The following MTREX variants were observed in gnomAD, a reference collection of about 807,000 sequenced individuals.
MTREX encodes Mtr4 exosome RNA helicase.
A neutral mutation model predicts 135.4 loss-of-function variants in MTREX; 76 were observed. That is an observed-to-expected ratio of 0.56 (90% CI 0.47 to 0.68). MTREX has a LOEUF of 0.68. MTREX is among the 30% of genes least tolerant of loss of function. The pLI is 0.00. For missense variants in MTREX, 920 were observed against 1,262.1 expected, an observed-to-expected ratio of 0.73 and a Z score of 4.11; for synonymous variants, 404 against 401.6, an observed-to-expected ratio of 1.01 and a Z score of -0.07.
chr5:55,412,498 TAAAG>T (rs1219007388), intron 23 of MTREX, among the ~76,000 whole-genome samples: 2 of 152,178 alleles, frequency 1.3e-5, no homozygotes, highest in African/African-American at 2.4e-5. Flanking sequence ...TGGATGAAGA[TAAAG>T]AAATACAGTA....
chr5:55,410,809 TAGAA>T (rs1314101664), intron 23 of MTREX, among the ~76,000 whole-genome samples, 180 bp downstream of exon 23: 1 of 152,206 alleles, frequency 6.6e-6, no homozygotes, highest in Non-Finnish European at 1.5e-5. Flanking sequence ...TACGTATTAT[TAGAA>T]AGGAGAATAA....
At chr5:55,402,377 AG>A (rs1750735255) in intron 21 of MTREX, among the ~76,000 whole-genome samples, 1 of 152,202 alleles carries the variant, frequency 6.6e-6, no homozygotes, top group Non-Finnish European at 1.5e-5. Flanking sequence ...CCCTGCTGTC[AG>A]TCCCTCCATG....
chr5:55,409,521 T>C (rs538367549), intron 22 of MTREX, among the ~76,000 whole-genome samples: 11 of 152,306 alleles, frequency 7.2e-5, no homozygotes, highest in African/African-American at 2.6e-4. Flanking sequence ...TTCTAATCTT[T>C]GTAATAATAA....
Position 55,405,409 on chromosome 5 carries a change from C to A in MTREX, c.2482-16C>A. 6.3e-7 allele frequency: 1 copy of A among 1,598,290 alleles called. No homozygotes were observed. On this transcript the variant is annotated splice_polypyrimidine_tract_variant and intron_variant, in intron 21 of 26. Transcript: ENST00000230640. ...ACTTTATTATTGAACTTTCTTTATA[C>A]TTTCATGTGCTTTAGATTGCAATAG...
intron 6 of MTREX, among the ~76,000 whole-genome samples, chr5:55,340,468 A>G (rs143648971): frequency 5.4e-4 from 82 of 152,214 alleles, no homozygotes; most frequent in African/African-American, 1.6e-3. Context: ...TACTGGTTTT[A>G]TGTACATAGT....
intron 1 of MTREX, among the ~76,000 whole-genome samples, chr5:55,316,927 C>G (rs1283332344): frequency 6.6e-6 from 1 of 152,126 alleles, no homozygotes; most frequent in African/African-American, 2.4e-5. Context: ...TTCAGCAAAG[C>G]TGCTGGATAC....
At chr5:55,385,608 C>A (rs543805267) in intron 18 of MTREX, among the ~76,000 whole-genome samples, 1 of 152,130 alleles carries the variant, frequency 6.6e-6, no homozygotes, top group South Asian at 2.1e-4. Context: ...AAAGACTTTA[C>A]TGAATTTTAG....
rs573678638 is a variant in MTREX, at chr5:55,376,909, A to G, written c.1811-1405A>G. Among the ~76,000 whole-genome samples the G allele has an allele frequency of 5.3e-5, 8 of 152,188 alleles. No homozygotes were observed. In the East Asian group the frequency reaches 1.2e-3, roughly 22 times the overall value. On this transcript the variant is annotated intron_variant, in intron 16 of 26. Transcript: ENST00000230640. ...ACATGGTGAAACCCCCGTCTCTACT[A>G]AAAATACAAGAATTAGCTGGGCATG...
intron 1 of MTREX, among the ~76,000 whole-genome samples, chr5:55,309,095 TTATTTA>T (rs1313228742): frequency 6.6e-6 from 1 of 152,182 alleles, no homozygotes; most frequent in Non-Finnish European, 1.5e-5. Context: ...TCAGGAAGGC[TTATTTA>T]TATACAAGAG....
chr5:55,320,159 C>T (rs1749264186), intron 1 of MTREX, among the ~76,000 whole-genome samples: 1 of 151,354 alleles, frequency 6.6e-6, no homozygotes, highest in African/African-American at 2.4e-5. Context: ...GAATGGACTT[C>T]ATTATGGAAA....
At chr5:55,396,810 T>C (rs943756973) in intron 19 of MTREX, among the ~76,000 whole-genome samples, 9 of 152,208 alleles carry the variant, frequency 5.9e-5, no homozygotes, top group Admixed American at 3.3e-4. Context: ...GATTTGGACC[T>C]GTGGAAACAT....
rs562336953 is a variant in MTREX at position 55,341,053 on chromosome 5, A to G, written c.691-628A>G. On this transcript the variant is annotated intron_variant, in intron 6 of 26. Coordinates refer to ENST00000230640, the MANE Select transcript of MTREX (RefSeq NM_015360.5). ...TTGCATTTAACCCCAAGGATATGGT[A>G]TAATGGTGAGCATAAATTAGCTTCT... Among the ~76,000 whole-genome samples, 3 of 152,354 alleles carry G rather than the reference A, an allele frequency of 2.0e-5. No individual in the cohort carries two copies. The East Asian group carries it at 5.8e-4, about 29-fold the overall frequency.
chr5:55,338,175 G>T (rs576999616), intron 5 of MTREX, among the ~76,000 whole-genome samples: 2 of 152,062 alleles, frequency 1.3e-5, no homozygotes, highest in South Asian at 4.2e-4. Flanking sequence ...CTGTTTTATG[G>T]TATTGCTTCC....
intron 8 of MTREX, among the ~76,000 whole-genome samples, 179 bp downstream of exon 8, chr5:55,343,634 T>C (rs781401525): frequency 2.0e-5 from 3 of 152,186 alleles, no homozygotes; most frequent in Non-Finnish European, 4.4e-5. Context: ...TTTTTAGAAA[T>C]GTTGATTTCT....
chr5:55,337,413 G>A (rs1347525258), intron 5 of MTREX, among the ~76,000 whole-genome samples: 2 of 152,108 alleles, frequency 1.3e-5, no homozygotes, highest in African/African-American at 4.8e-5. Flanking sequence ...CCAAAGTGCT[G>A]GGATTACAGG....
chr5:55,412,836 C>A (rs192438660), intron 23 of MTREX, among the ~76,000 whole-genome samples: 2 of 152,210 alleles, frequency 1.3e-5, no homozygotes, highest in African/African-American at 2.4e-5. Flanking sequence ...GTCTTGGGTT[C>A]TTTATTAAAC....
rs1173238063 is a variant in MTREX at position 55,405,361 on chromosome 5, A to T, written c.2482-64A>T. On this transcript the variant is annotated intron_variant, in intron 21 of 26. Coordinates refer to ENST00000230640, the MANE Select transcript of MTREX (RefSeq NM_015360.5). Reference sequence around the variant, plus strand: ...AAATATTTTTTGTTTGATTTCATGAATAAATCTCCTTGTACATTGTTCACT... The same window carrying T: ...AAATATTTTTTGTTTGATTTCATGATTAAATCTCCTTGTACATTGTTCACT... The T allele has an allele frequency of 4.4e-6, 6 of 1,375,924 alleles. No individual in the cohort carries two copies. The East Asian group carries it at 1.5e-4, about 34-fold the overall frequency. The allele number at this position is 1,375,924 out of a possible 1,614,324, so 85.2% of individuals were successfully genotyped here. A position where few individuals can be genotyped will look rare whatever the true frequency, so the allele number is the denominator to read the frequency against.
intron 22 of MTREX, among the ~76,000 whole-genome samples, chr5:55,407,483 G>C (rs2111606867): frequency 6.6e-6 from 1 of 152,190 alleles, no homozygotes; most frequent in Admixed American, 6.5e-5. Flanking sequence ...ATTTTGTGTT[G>C]AAAGAATGGA....
In MTREX at chr5:55,341,662, T is replaced by G; in HGVS notation, c.691-19T>G. On this transcript the variant is annotated intron_variant, in intron 6 of 26. Transcript: ENST00000230640. ...TATGTCAGAATCCAACTAAATACAT[T>G]TTTTACTTTTTTCTTTAGATTTTGA... 1.4e-6 allele frequency: 2 copies of G among 1,420,660 alleles called. No homozygotes were observed. The highest frequency in any genetic ancestry group is 1.3e-5 in the South Asian group (1 of 79,956). 88.0% of individuals were successfully genotyped at this position (1,420,660 alleles called of 1,614,324 possible). A position where few individuals can be genotyped will look rare whatever the true frequency, so the allele number is the denominator to read the frequency against.
Sources: gnomAD v4.1 joint callset for allele counts (sites outside exome capture counted in the v4.1 genomes callset) on GRCh38, gnomAD v4.1.1 for gene constraint, MANE v1.5 for transcripts, NCBI Gene and HGNC (gene_info 2026-07-23, HGNC 2026-07-21) for gene names.